The following STYX variants were observed in gnomAD, a reference collection of about 807,000 sequenced individuals.
STYX encodes serine/threonine/tyrosine interacting protein, also known as serine/threonine/tyrosine-interacting protein.
A neutral mutation model predicts 42.7 loss-of-function variants in STYX; 20 were observed. The observed-to-expected ratio is 0.47, with a 90% CI of 0.33 to 0.68. The LOEUF is 0.68. Among genes scored for constraint, STYX ranks in the 30% least tolerant of loss-of-function variants. STYX has a pLI of 0.02. For synonymous variants in STYX, 78 were observed against 81.9 expected (o/e 0.95, Z 0.26); for missense variants, 226 against 268.5 (o/e 0.84, Z 1.11).
chr14:52,774,178 T>C lies in STYX; in HGVS notation c.*3072T>C, dbSNP rs1394465827. ...CAACCACTTAACTTTTAGAGCAGTT[T>C]TGGGGAGAGTTTATGCTTCATCTGA... On this transcript the variant is annotated 3_prime_UTR_variant, in exon 11 of 11. Transcript: ENST00000354586. The C allele has an allele frequency of 6.6e-6, 1 of 152,154 alleles. No homozygotes were observed. Among genetic ancestry groups the C allele is most frequent in the African/African-American group, 2.4e-5 (1 of 41,438 alleles). The allele number at this position is 152,154 out of a possible 1,614,324, so 9.4% of individuals were successfully genotyped here. A position where few individuals can be genotyped will look rare whatever the true frequency, so the allele number is the denominator to read the frequency against.
In STYX at chr14:52,730,548, G is replaced by A; in HGVS notation, c.57+17G>A. On this transcript the variant is annotated intron_variant, in intron 1 of 10. Transcript: ENST00000354586. ...GACGCCGAGGTGAGTCGCTCCCGTG[G>A]CTGCCACGCACAGGCCTCTCCCTGT... 2 of 1,611,978 alleles carry A rather than the reference G, an allele frequency of 1.2e-6. No homozygotes were observed. The highest frequency in any genetic ancestry group is 2.2e-5 in the East Asian group (1 of 44,784).
chr14:52,732,098 T>TGG (rs1555357969), intron 1 of STYX, among the ~76,000 whole-genome samples: 5 of 87,168 alleles, frequency 5.7e-5, no homozygotes, highest in Middle Eastern at 7.2e-3. Flanking sequence ...ATGGTTTTTT[T>TGG]TTTTTTTTTT....
intron 1 of STYX, 142 bp downstream of exon 1, chr14:52,730,673 C>T (rs563356579): frequency 4.2e-5 from 36 of 859,048 alleles, no homozygotes; most frequent in Non-Finnish European, 5.7e-5. Context: ...TGAAGCCGAG[C>T]GGTCGGCTCC....
chr14:52,747,597 A>G (rs1374961214), intron 3 of STYX, among the ~76,000 whole-genome samples: 2 of 152,230 alleles, frequency 1.3e-5, no homozygotes, highest in African/African-American at 4.8e-5. Flanking sequence ...AAACAAGGTT[A>G]TTGTCCATAT....
At chr14:52,732,311 G>A (rs1880760146) in intron 1 of STYX, among the ~76,000 whole-genome samples, 1 of 138,116 alleles carries the variant, frequency 7.2e-6, no homozygotes, top group Admixed American at 7.8e-5. Context: ...CTGTCGCCCA[G>A]GCTGGAATGA....
At chr14:52,760,942 C>G (rs1157746268) in intron 9 of STYX, among the ~76,000 whole-genome samples, 2 of 152,140 alleles carry the variant, frequency 1.3e-5, no homozygotes, top group African/African-American at 4.8e-5. Context: ...GTGTTACAAA[C>G]AATCCAATAA....
intron 1 of STYX, among the ~76,000 whole-genome samples, chr14:52,740,765 A>G (rs1441981740): frequency 6.6e-6 from 1 of 152,146 alleles, no homozygotes; most frequent in East Asian, 1.9e-4. Context: ...GATCTTTTTT[A>G]ATAAAGGTAA....
chr14:52,751,964 A>G (rs1185189240), intron 4 of STYX, among the ~76,000 whole-genome samples: 1 of 152,096 alleles, frequency 6.6e-6, no homozygotes, highest in Non-Finnish European at 1.5e-5. Context: ...GGAGTTCGAG[A>G]CCAGCCTGGC....
At chr14:52,746,511 CTT>C (rs1881403422) in intron 3 of STYX, 32 bp downstream of exon 3, 2 of 1,532,214 alleles carry the variant, frequency 1.3e-6, no homozygotes, top group East Asian at 2.5e-5. Flanking sequence ...TCAAGAGAGA[CTT>C]TTATTAACCA....
At chr14:52,749,363 A>T (rs937644935) in intron 3 of STYX, among the ~76,000 whole-genome samples, 8 of 151,604 alleles carry the variant, frequency 5.3e-5, no homozygotes, top group Non-Finnish European at 7.4e-5. Context: ...CATATAAATT[A>T]TTTTTTTTTA....
intron 4 of STYX, among the ~76,000 whole-genome samples, chr14:52,756,296 G>A (rs1054047068): frequency 3.9e-5 from 6 of 152,090 alleles, no homozygotes; most frequent in African/African-American, 1.4e-4. Context: ...CTTTTTGCTG[G>A]GATTATAGGC....
intron 1 of STYX, among the ~76,000 whole-genome samples, chr14:52,740,300 C>G (rs1881135923): frequency 1.3e-5 from 2 of 152,134 alleles, no homozygotes; most frequent in Admixed American, 1.3e-4. Context: ...AAAAAAGTAT[C>G]TAGTAAACAA....
At chr14:52,751,645 G>T (rs1307885756) in intron 4 of STYX, among the ~76,000 whole-genome samples, 17 of 151,978 alleles carry the variant, frequency 1.1e-4, no homozygotes, top group Non-Finnish European at 7.4e-5. Context: ...CTCATTTGAT[G>T]TTCTTATTTA....
intron 4 of STYX, among the ~76,000 whole-genome samples, chr14:52,754,121 C>T (rs1467260507): frequency 6.6e-6 from 1 of 151,912 alleles, no homozygotes; most frequent in Non-Finnish European, 1.5e-5. Flanking sequence ...AACTCCTGAC[C>T]TCGTGATCCG....
rs17125740 is a variant in STYX, at chr14:52,763,305, T to G, written c.504+3551T>G. ...AATTAAGGAAAATAATATCTTGTAC[T>G]TTAATATCTTTTGGTTCTATTATTT... On this transcript the variant is annotated intron_variant, in intron 9 of 10. Transcript: ENST00000354586. Among the ~76,000 whole-genome samples the G allele has an allele frequency of 5.1e-3, 777 of 152,352 alleles. 6 individuals carry two copies. The highest frequency in any genetic ancestry group is 0.044 in the East Asian group (229 of 5,188).
chr14:52,761,618 G>T (rs1422990675), intron 9 of STYX, among the ~76,000 whole-genome samples: 2 of 145,388 alleles, frequency 1.4e-5, no homozygotes, highest in Non-Finnish European at 3.0e-5. Context: ...ACCCAGGCTG[G>T]AGTGCAATGG....
intron 9 of STYX, among the ~76,000 whole-genome samples, chr14:52,764,850 G>C (rs1882238382): frequency 6.6e-6 from 1 of 151,438 alleles, no homozygotes; most frequent in South Asian, 2.1e-4. Flanking sequence ...TGTATTTTTG[G>C]TAGAGACGGG....
chr14:52,732,850 T>C (rs1405691639), intron 1 of STYX, among the ~76,000 whole-genome samples: 1 of 151,936 alleles, frequency 6.6e-6, no homozygotes, highest in Non-Finnish European at 1.5e-5. Flanking sequence ...TTTGTACTTT[T>C]AGTAGAGACG....
chr14:52,757,641 A>G (rs1881926628), intron 6 of STYX, 102 bp from the exon 7 acceptor site: 1 of 1,038,440 alleles, frequency 9.6e-7, no homozygotes, highest in Non-Finnish European at 1.5e-6. Context: ...AAGATATCCA[A>G]GTGATTATAG....
Sources: allele counts gnomAD v4.1 joint callset (sites outside exome capture counted in the v4.1 genomes callset), GRCh38; gene constraint gnomAD v4.1.1; transcripts MANE v1.5; gene names NCBI Gene and HGNC (gene_info 2026-07-23, HGNC 2026-07-21).